DGKH: variants seen among roughly 807,000 people sequenced by gnomAD.
The protein encoded by DGKH is DAG kinase eta.
A neutral mutation model predicts 159.3 loss-of-function variants in DGKH; 90 were observed. The observed-to-expected ratio is 0.57, with a 90% confidence interval of 0.48 to 0.67. The LOEUF is 0.67. Ranked by LOEUF, DGKH falls within the 30% of genes least tolerant of loss-of-function variation. The pLI, the probability that DGKH is intolerant of heterozygous loss-of-function variation, is 0.00. For synonymous variants in DGKH, 536 were observed against 553.8 expected (o/e 0.97, Z 0.45); for missense variants, 1,181 against 1,506.1 (o/e 0.78, Z 3.57).
At chr13:42,069,260 A>C (rs1046667138) in intron 1 of DGKH, 1 of 1,093,760 alleles carries the variant, frequency 9.1e-7, no homozygotes, top group East Asian at 2.4e-5. Flanking sequence ...TTCTTACTTC[A>C]CAAAACTGAT....
chr13:42,044,287 C>CA (rs1458011964), upstream of DGKH: 2 of 148,132 alleles, frequency 1.4e-5, no homozygotes, highest in East Asian at 4.1e-4. Context: ...GCACTTCTTT[C>CA]TTTTTTTTCT....
chr13:42,165,498 T>G, intron 8 of DGKH, 65 bp downstream of exon 8: 1 of 858,506 alleles, frequency 1.2e-6, no homozygotes, highest in South Asian at 3.0e-5. Flanking sequence ...TATATTTCTT[T>G]TCCTAGAATA....
chr13:42,058,094 T>C (rs1281554600), intron 1 of DGKH, among the ~76,000 whole-genome samples: 1 of 149,378 alleles, frequency 6.7e-6, no homozygotes, highest in Non-Finnish European at 1.5e-5. Context: ...TTTATGTCTA[T>C]GTGTATGCCC....
downstream of DGKH, chr13:42,242,920 G>C (rs1566236287): frequency 6.6e-6 from 1 of 152,190 alleles, no homozygotes; most frequent in Non-Finnish European, 1.5e-5. Context: ...GTTGTTTCTG[G>C]TGGGAAATCT....
At chr13:42,049,610 C>T (rs1477704225) in intron 1 of DGKH, among the ~76,000 whole-genome samples, 3 of 152,226 alleles carry the variant, frequency 2.0e-5, no homozygotes, top group African/African-American at 7.2e-5. Flanking sequence ...TAACCGCACC[C>T]TGCATGGCTC....
chr13:42,188,722 G>T lies in DGKH; in HGVS notation c.1639-314G>T, dbSNP rs75804843. Among the ~76,000 whole-genome samples, 960 of 152,150 alleles carry T rather than the reference G, an allele frequency of 6.3e-3. 11 individuals are homozygous for T. The highest frequency in any genetic ancestry group is 0.022 in the African/African-American group (918 of 41,512). ...TTCCCCATGAAATGGAGTCTGAGTGGCTCTGAAATTATATAATAATTGTGC... is the reference window on the plus strand; with the variant it reads ...TTCCCCATGAAATGGAGTCTGAGTGTCTCTGAAATTATATAATAATTGTGC... On this transcript the variant is annotated intron_variant, in intron 14 of 29. Transcript: ENST00000337343.
At chr13:42,243,860 G>A (rs950156603), downstream of DGKH, among the ~76,000 whole-genome samples, 3 of 152,200 alleles carry the variant, frequency 2.0e-5, no homozygotes, top group Non-Finnish European at 2.9e-5. Context: ...CCAAATCCGT[G>A]ACTTCTGTTG....
chr13:42,064,446 G>C (rs1016483061), intron 1 of DGKH, among the ~76,000 whole-genome samples: 4 of 152,268 alleles, frequency 2.6e-5, no homozygotes, highest in African/African-American at 7.2e-5. Context: ...GTGAAGTGGA[G>C]GACAGGGTCA....
chr13:42,122,454 G>C (rs1023280896), intron 1 of DGKH, among the ~76,000 whole-genome samples: 1 of 152,172 alleles, frequency 6.6e-6, no homozygotes, highest in Non-Finnish European at 1.5e-5. Context: ...GGCTGAGCAT[G>C]CTAATGTGCT....
At chr13:42,190,594 G>T in intron 16 of DGKH, 69 bp downstream of exon 16, 1 of 1,466,862 alleles carries the variant, frequency 6.8e-7, no homozygotes, top group Non-Finnish European at 9.1e-7. Context: ...TTTTCAAAAG[G>T]CTGATCAGTT....
chr13:42,105,167 A>T (rs1954723975), intron 1 of DGKH, among the ~76,000 whole-genome samples: 2 of 152,174 alleles, frequency 1.3e-5, no homozygotes, highest in South Asian at 4.1e-4. Context: ...GAGGCTGGGA[A>T]GTCCAGTATC....
At chr13:42,120,252 T>C (rs1384272548) in intron 1 of DGKH, among the ~76,000 whole-genome samples, 3 of 152,222 alleles carry the variant, frequency 2.0e-5, no homozygotes, top group Non-Finnish European at 4.4e-5. Flanking sequence ...AATGAAAATA[T>C]ATTCTTTTGT....
chr13:42,054,739 T>C (rs781251898), intron 1 of DGKH, among the ~76,000 whole-genome samples: 20 of 152,124 alleles, frequency 1.3e-4, no homozygotes, highest in Non-Finnish European at 2.9e-4. Flanking sequence ...AGATCTTAAA[T>C]GTTCTCACCC....
Position 42,110,574 on chromosome 13 carries a change from A to G in DGKH, c.193-16889A>G, listed in dbSNP as rs143691693. 2.6e-4 allele frequency among the ~76,000 whole-genome samples: 39 copies of G among 152,330 alleles called. 1 individual carries two copies. In the East Asian group the frequency reaches 7.3e-3, roughly 29 times the overall value. Reference sequence around the variant, plus strand: ...TTTGATAAGGAAGAAGTAAATTCAGAATTTGAAGGATAATCATTCATTCAT... The same window carrying G: ...TTTGATAAGGAAGAAGTAAATTCAGGATTTGAAGGATAATCATTCATTCAT... On this transcript the variant is annotated intron_variant, in intron 1 of 29. Transcript: ENST00000337343.
At chr13:42,225,392 A>G in intron 29 of DGKH, 1 of 1,420,958 alleles carries the variant, frequency 7.0e-7, no homozygotes, top group Non-Finnish European at 9.5e-7. Flanking sequence ...AAAGTTGTGT[A>G]TGTATGGCTG....
At chr13:42,130,573 C>T (rs1955269248) in intron 3 of DGKH, among the ~76,000 whole-genome samples, 1 of 152,132 alleles carries the variant, frequency 6.6e-6, no homozygotes, top group Admixed American at 6.5e-5. Context: ...TTGTCACTCC[C>T]ATCCACACTC....
At chr13:42,097,295 A>G (rs1954558206) in intron 1 of DGKH, among the ~76,000 whole-genome samples, 1 of 151,806 alleles carries the variant, frequency 6.6e-6, no homozygotes. Flanking sequence ...TTACTGTGTA[A>G]TTTTCCTATC....
intron 1 of DGKH, among the ~76,000 whole-genome samples, chr13:42,067,728 T>C (rs1882682107): frequency 6.6e-6 from 1 of 152,034 alleles, no homozygotes; most frequent in Non-Finnish European, 1.5e-5. Context: ...TTGCTGGCCA[T>C]GTTTTATTTG....
intron 13 of DGKH, chr13:42,181,726 C>T: frequency 1.3e-6 from 1 of 758,824 alleles, no homozygotes; most frequent in Non-Finnish European, 2.0e-6. Flanking sequence ...GGGCCCACAG[C>T]CACGCCAGCT....
Sources: gnomAD v4.1 joint callset for allele counts (sites outside exome capture counted in the v4.1 genomes callset) on GRCh38, gnomAD v4.1.1 for gene constraint, MANE v1.5 for transcripts, NCBI Gene and HGNC (gene_info 2026-07-23, HGNC 2026-07-21) for gene names.